MYOCOS: variants seen among roughly 807,000 people sequenced by gnomAD.
MYOCOS encodes the protein myocilin opposite strand protein.
At chr1:171,624,435 A>ATTTATTATT (rs1652649452) in intron 2 of MYOCOS, among the ~76,000 whole-genome samples, 1 of 147,118 alleles carries the variant, frequency 6.8e-6, no homozygotes, top group Non-Finnish European at 1.5e-5. Context: ...ACGTCTGGTT[A>ATTTATTATT]ATTATTATTA....
rs541798682 is a variant in MYOCOS at position 171,603,323 on chromosome 1, C to T, written c.-252+2243C>T. Among the ~76,000 whole-genome samples the T allele has an allele frequency of 5.3e-5, 8 of 152,292 alleles. No homozygotes were observed. The South Asian group carries it at 1.7e-3, about 32-fold the overall frequency. ...GGTGGACCTTTACTGGGCACTCTGC[C>T]GCATAACTAGAGTGGCACTTGTGCT... On this transcript the variant is annotated intron_variant, in intron 1 of 3. Transcript: ENST00000636697.
upstream of MYOCOS, among the ~76,000 whole-genome samples, chr1:171,621,374 G>GTTTTTTTTTTTTTTTTTT (rs397974158): frequency 8.7e-6 from 1 of 115,150 alleles, no homozygotes. Flanking sequence ...TCTATGGTGG[G>GTTTTTTTTTTTTTTTTTT]TTTTTTTTTT....
chr1:171,620,670 A>G, upstream of MYOCOS, among the ~76,000 whole-genome samples: 1 of 150,702 alleles, frequency 6.6e-6, no homozygotes, highest in Non-Finnish European at 1.5e-5. Flanking sequence ...ATTGTAAAAA[A>G]GAAAAATTTT....
upstream of MYOCOS, among the ~76,000 whole-genome samples, chr1:171,617,619 T>A (rs909257052): frequency 6.6e-6 from 1 of 152,336 alleles, no homozygotes; most frequent in Non-Finnish European, 1.5e-5. Context: ...ACATGTTTTT[T>A]AAAGTGGATT....
upstream of MYOCOS, among the ~76,000 whole-genome samples, chr1:171,617,360 G>A (rs1166827198): frequency 6.6e-6 from 1 of 152,136 alleles, no homozygotes; most frequent in Non-Finnish European, 1.5e-5. Flanking sequence ...AGGGAAATGA[G>A]TGTAGAGAAT....
At chr1:171,619,790 C>T (rs893916858), upstream of MYOCOS, among the ~76,000 whole-genome samples, 17 of 149,284 alleles carry the variant, frequency 1.1e-4, no homozygotes, top group Middle Eastern at 3.4e-3. Flanking sequence ...GAGCCGACAC[C>T]GCTGCATTCC....
intron 2 of MYOCOS, among the ~76,000 whole-genome samples, chr1:171,625,762 A>G (rs895267624): frequency 6.6e-6 from 1 of 152,218 alleles, no homozygotes; most frequent in African/African-American, 2.4e-5. Context: ...TGAAACGTTT[A>G]GACACAGCCT....
intron 2 of MYOCOS, among the ~76,000 whole-genome samples, chr1:171,625,656 G>T (rs576629473): frequency 6.6e-6 from 1 of 152,294 alleles, no homozygotes; most frequent in South Asian, 2.1e-4. Flanking sequence ...AAGGGGAGGC[G>T]AACCCCACAG....
chr1:171,619,475 T>A (rs1227148168), upstream of MYOCOS, among the ~76,000 whole-genome samples: 1 of 152,210 alleles, frequency 6.6e-6, no homozygotes, highest in African/African-American at 2.4e-5. Context: ...CCCTGAGGGT[T>A]CCTGGCTAAA....
intron 1 of MYOCOS, among the ~76,000 whole-genome samples, chr1:171,609,590 T>G (rs1487471125): frequency 1.3e-5 from 2 of 152,230 alleles, no homozygotes; most frequent in Non-Finnish European, 2.9e-5. Flanking sequence ...AAGGGCAACC[T>G]ATTATTATCT....
chr1:171,605,396 A>AC (rs1415539776), intron 1 of MYOCOS, among the ~76,000 whole-genome samples: 169 of 120,864 alleles, frequency 1.4e-3, no homozygotes, highest in African/African-American at 5.4e-3. Context: ...CACACACACA[A>AC]AAAAAAAAAA....
intron 1 of MYOCOS, among the ~76,000 whole-genome samples, chr1:171,611,836 G>C (rs553553138): frequency 6.6e-6 from 1 of 151,814 alleles, no homozygotes; most frequent in African/African-American, 2.4e-5. Context: ...AATTTGCAGG[G>C]GATGGAAAAT....
intron 1 of MYOCOS, among the ~76,000 whole-genome samples, chr1:171,623,148 G>C (rs1226862557): frequency 6.6e-6 from 1 of 152,012 alleles, no homozygotes; most frequent in Non-Finnish European, 1.5e-5. Context: ...AGTGAACCGA[G>C]ACAGCTCTGC....
intron 1 of MYOCOS, among the ~76,000 whole-genome samples, chr1:171,611,966 T>C (rs1305171091): frequency 6.6e-6 from 1 of 152,220 alleles, no homozygotes; most frequent in African/African-American, 2.4e-5. Context: ...TACAACTTGG[T>C]TGAATTCATG....
intron 1 of MYOCOS, among the ~76,000 whole-genome samples, chr1:171,614,044 C>T (rs1212769027): frequency 6.6e-6 from 1 of 152,182 alleles, no homozygotes; most frequent in Non-Finnish European, 1.5e-5. Context: ...CTCTCAAAAT[C>T]TTGAGATAAT....
upstream of MYOCOS, among the ~76,000 whole-genome samples, chr1:171,620,495 C>T (rs1159930933): frequency 2.0e-5 from 3 of 152,238 alleles, no homozygotes; most frequent in Admixed American, 1.3e-4. Flanking sequence ...CAGACCCTCC[C>T]AATCCTAAAG....
intron 1 of MYOCOS, among the ~76,000 whole-genome samples, chr1:171,611,120 C>T (rs1367352328): frequency 7.2e-5 from 11 of 152,194 alleles, no homozygotes; most frequent in Admixed American, 6.5e-4. Flanking sequence ...TCATTTAGGG[C>T]CACCCTGAGA....
intron 1 of MYOCOS, among the ~76,000 whole-genome samples, chr1:171,609,175 C>G (rs757577233): frequency 6.6e-6 from 1 of 152,184 alleles, no homozygotes; most frequent in Non-Finnish European, 1.5e-5. Context: ...AGGGTCTAAG[C>G]CCTTGGTCAC....
chr1:171,623,514 T>C lies in MYOCOS; in HGVS notation c.-43-327T>C, dbSNP rs1368170283. ...AGGGCTGCCGTGCAACCTGGGGAGATTCAGTTCACCTATCTGTGCCTCCAT... is the reference window on the plus strand; with the variant it reads ...AGGGCTGCCGTGCAACCTGGGGAGACTCAGTTCACCTATCTGTGCCTCCAT... On this transcript the variant is annotated intron_variant, in intron 1 of 2. Coordinates refer to ENST00000637642, the MANE Select transcript of MYOCOS (RefSeq NM_001391940.1). Among the ~76,000 whole-genome samples, 4 of 152,088 alleles carry C rather than the reference T, an allele frequency of 2.6e-5. 1 individual carries two copies. The highest frequency in any genetic ancestry group is 2.6e-4 in the Admixed American group (4 of 15,262).
Sources: allele counts gnomAD v4.1 joint callset (sites outside exome capture counted in the v4.1 genomes callset), GRCh38; gene constraint gnomAD v4.1.1; transcripts MANE v1.5; gene names NCBI Gene and HGNC (gene_info 2026-07-23, HGNC 2026-07-21).